The following ANXA8 variants were observed in gnomAD, a reference collection of about 807,000 sequenced individuals.
The protein encoded by ANXA8 is annexin A8, also known as VAC-beta.
ANXA8 carries 9 observed loss-of-function variants against 26.8 expected under a neutral mutation model. The ratio of observed to expected loss-of-function variants is 0.34; its 90% confidence interval spans 0.20 to 0.59. The LOEUF (loss-of-function observed/expected upper bound fraction) is 0.59, where lower values mean the gene tolerates loss of function less well. Ranked by LOEUF, ANXA8 falls within the 20% of genes least tolerant of loss-of-function variation. The pLI is 0.84. For synonymous variants in ANXA8, 39 were observed against 94.8 expected, an observed-to-expected ratio of 0.41 and a Z score of 3.42; for missense variants, 83 against 238.5, an observed-to-expected ratio of 0.35 and a Z score of 4.29.
the ANXA8 span, among the ~76,000 whole-genome samples, chr10:47,651,044 G>A: frequency 6.6e-6 from 1 of 151,204 alleles, no homozygotes; most frequent in Non-Finnish European, 1.5e-5. Flanking sequence ...ACCAGCCTGG[G>A]CAACATAGGG....
At chr10:47,670,810 GT>G in the ANXA8 span, among the ~76,000 whole-genome samples, 27 of 150,830 alleles carry the variant, frequency 1.8e-4, no homozygotes, top group African/African-American at 6.1e-4. Flanking sequence ...GCCTCTAGAT[GT>G]TTTTTACTTT....
chr10:47,691,060 C>T, the ANXA8 span: 2 of 1,610,494 alleles, frequency 1.2e-6, no homozygotes, highest in Non-Finnish European at 1.7e-6. Flanking sequence ...TATCTCCATG[C>T]CATGTGAAGG....
the ANXA8 span, among the ~76,000 whole-genome samples, chr10:47,742,116 AG>A: frequency 2.8e-4 from 31 of 111,644 alleles, no homozygotes; most frequent in South Asian, 0.011. Flanking sequence ...CTGGGATTAC[AG>A]GCGTGAGCCA....
upstream of ANXA8, among the ~76,000 whole-genome samples, chr10:47,485,358 T>C (rs1487042179): frequency 6.6e-6 from 1 of 151,908 alleles, no homozygotes; most frequent in Non-Finnish European, 1.5e-5. Context: ...CAGTCTGTAC[T>C]GCCACCAACA....
At chr10:47,732,653 C>A in the ANXA8 span, among the ~76,000 whole-genome samples, 4 of 129,050 alleles carry the variant, frequency 3.1e-5, no homozygotes. Flanking sequence ...CCAGAGGTAT[C>A]CTTTTTCTAA....
At chr10:47,627,258 T>G in the ANXA8 span, among the ~76,000 whole-genome samples, 1 of 150,112 alleles carries the variant, frequency 6.7e-6, no homozygotes, top group African/African-American at 2.5e-5. Flanking sequence ...ACTCATACTG[T>G]CATTTAATCA....
the ANXA8 span, among the ~76,000 whole-genome samples, chr10:47,620,249 C>T: frequency 2.5e-3 from 249 of 100,362 alleles, 40 homozygotes; most frequent in African/African-American, 9.3e-3. Flanking sequence ...CTTGGGATCT[C>T]GGAAATCTTG....
At chr10:47,504,477 T>TG in the ANXA8 span, among the ~76,000 whole-genome samples, 3 of 110,252 alleles carry the variant, frequency 2.7e-5, no homozygotes, top group Admixed American at 1.1e-4. Flanking sequence ...CCATGAGTAT[T>TG]GACTCTCCCT....
chr10:47,475,070 G>A, intron 6 of ANXA8, 66 bp from the exon 7 acceptor site: 2 of 1,522,214 alleles, frequency 1.3e-6, no homozygotes, highest in South Asian at 1.2e-5. Flanking sequence ...GCACAGGGGG[G>A]ATCCTGGGCT....
At chr10:47,667,165 C>G in the ANXA8 span, among the ~76,000 whole-genome samples, 1 of 152,008 alleles carries the variant, frequency 6.6e-6, no homozygotes, top group Non-Finnish European at 1.5e-5. Flanking sequence ...ACTTCTGTTT[C>G]TTCTCCTCTT....
the ANXA8 span, among the ~76,000 whole-genome samples, chr10:47,734,995 G>C: frequency 1.3e-4 from 17 of 128,130 alleles, 4 homozygotes; most frequent in Non-Finnish European, 7.9e-5. Context: ...ACTCTAGCCT[G>C]GGTGACAGAG....
At chr10:47,495,411 G>A in the ANXA8 span, among the ~76,000 whole-genome samples, 8 of 150,440 alleles carry the variant, frequency 5.3e-5, no homozygotes, top group East Asian at 7.9e-4. Context: ...TCAGCCTCCC[G>A]AGTAGCTGGG....
At chr10:47,576,868 G>C in the ANXA8 span, among the ~76,000 whole-genome samples, 1 of 147,396 alleles carries the variant, frequency 6.8e-6, no homozygotes, top group Non-Finnish European at 1.5e-5. Flanking sequence ...CACATTTGAT[G>C]GGAATTGTGA....
At chr10:47,756,844 G>A in the ANXA8 span, among the ~76,000 whole-genome samples, 3 of 142,752 alleles carry the variant, frequency 2.1e-5, no homozygotes, top group South Asian at 2.4e-4. Flanking sequence ...AGGGAGGTGC[G>A]GGCCTCACCC....
chr10:47,641,248 TTAGC>T, the ANXA8 span, among the ~76,000 whole-genome samples: 1 of 149,512 alleles, frequency 6.7e-6, no homozygotes, highest in African/African-American at 2.5e-5. Context: ...GCTACTTTTG[TTAGC>T]TAGCAACTCT....
the ANXA8 span, among the ~76,000 whole-genome samples, chr10:47,755,555 C>CTTTTTTT: frequency 4.8e-5 from 4 of 82,988 alleles, no homozygotes; most frequent in East Asian, 8.1e-4. Flanking sequence ...GTGCCCGGCC[C>CTTTTTTT]TTTTTTTTTT....
the ANXA8 span, among the ~76,000 whole-genome samples, chr10:47,683,069 C>T: frequency 2.6e-5 from 4 of 152,062 alleles, no homozygotes; most frequent in East Asian, 1.9e-4. Flanking sequence ...GCTTTAGTGG[C>T]TATTACTTTG....
At chr10:47,516,745 A>G in the ANXA8 span, among the ~76,000 whole-genome samples, 138 of 132,240 alleles carry the variant, frequency 1.0e-3, 8 homozygotes, top group African/African-American at 4.1e-3. Context: ...GTTTTTGCAG[A>G]TGGAAAATAT....
the ANXA8 span, among the ~76,000 whole-genome samples, chr10:47,683,562 A>G: frequency 2.0e-5 from 3 of 151,934 alleles, no homozygotes; most frequent in Non-Finnish European, 4.4e-5. Flanking sequence ...TGTTGTTAAC[A>G]CAAATGAACT....
Sources: gnomAD v4.1 joint callset for allele counts (sites outside exome capture counted in the v4.1 genomes callset) on GRCh38, gnomAD v4.1.1 for gene constraint, MANE v1.5 for transcripts, NCBI Gene and HGNC (gene_info 2026-07-23, HGNC 2026-07-21) for gene names.